Variants in FRMD6 observed in about 807,000 individuals in gnomAD.
FRMD6 encodes FERM domain-containing protein 6.
In FRMD6, 37 loss-of-function variants were observed where a neutral mutation model predicts 73.2. The observed-to-expected ratio is 0.51, with a 90% CI of 0.39 to 0.66. The LOEUF (loss-of-function observed/expected upper bound fraction) is 0.66, where lower values mean the gene tolerates loss of function less well. Ranked by LOEUF, FRMD6 falls within the 30% of genes least tolerant of loss-of-function variation. FRMD6 has a pLI of 0.00. For missense variants in FRMD6, 714 were observed against 780.5 expected (o/e 0.91, Z 1.02); for synonymous variants, 273 against 282.2 (o/e 0.97, Z 0.33).
At chr14:51,507,858 AG>A (rs1884061841) in intron 1 of FRMD6, among the ~76,000 whole-genome samples, 1 of 152,218 alleles carries the variant, frequency 6.6e-6, no homozygotes, top group Admixed American at 6.5e-5. Context: ...CCAAACCCAC[AG>A]GATGGCTTGA....
At chr14:51,463,181 T>G in the FRMD6 span, among the ~76,000 whole-genome samples, 26 of 152,222 alleles carry the variant, frequency 1.7e-4, no homozygotes, top group Non-Finnish European at 1.0e-4. Flanking sequence ...TCAATTTCAC[T>G]CAGGTAGCCA....
At chr14:51,682,792 A>G (rs1431804896) in intron 1 of FRMD6, among the ~76,000 whole-genome samples, 2 of 152,166 alleles carry the variant, frequency 1.3e-5, no homozygotes, top group Non-Finnish European at 2.9e-5. Context: ...CACAAATTTC[A>G]TGGAGGAATT....
At chr14:51,518,115 C>T (rs975249747) in intron 1 of FRMD6, among the ~76,000 whole-genome samples, 5 of 152,148 alleles carry the variant, frequency 3.3e-5, no homozygotes, top group African/African-American at 4.8e-5. Flanking sequence ...AGACTTCACA[C>T]GGAGTCATGC....
chr14:51,408,045 A>C, the FRMD6 span, among the ~76,000 whole-genome samples: 5 of 152,066 alleles, frequency 3.3e-5, no homozygotes, highest in Non-Finnish European at 1.5e-5. Flanking sequence ...CTGGAATTTG[A>C]CTAGGTTGTC....
chr14:51,430,733 G>A, the FRMD6 span, among the ~76,000 whole-genome samples: 681 of 152,282 alleles, frequency 4.5e-3, 5 homozygotes, highest in African/African-American at 0.016. Flanking sequence ...TACAAAACAT[G>A]AACTGCATGG....
At chr14:51,608,188 C>T (rs956214427) in intron 2 of FRMD6, among the ~76,000 whole-genome samples, 2 of 152,138 alleles carry the variant, frequency 1.3e-5, no homozygotes, top group African/African-American at 4.8e-5. Context: ...CTCTGGGCAC[C>T]CAGGACTGCC....
intron 1 of FRMD6, among the ~76,000 whole-genome samples, chr14:51,501,055 T>A (rs1450051145): frequency 1.3e-5 from 2 of 152,180 alleles, no homozygotes; most frequent in African/African-American, 4.8e-5. Flanking sequence ...CTTCCTAGCA[T>A]AAATCATTTC....
chr14:51,405,510 A>G, the FRMD6 span, among the ~76,000 whole-genome samples: 1 of 151,572 alleles, frequency 6.6e-6, no homozygotes, highest in African/African-American at 2.4e-5. Context: ...AGCCATTTTG[A>G]CTGGTGTGAG....
chr14:51,580,730 A>T (rs1210464747), intron 2 of FRMD6, among the ~76,000 whole-genome samples: 2 of 152,220 alleles, frequency 1.3e-5, no homozygotes, highest in Non-Finnish European at 2.9e-5. Context: ...GGACTATATA[A>T]TGGGTAAAGA....
chr14:51,546,299 T>C (rs1447154835), intron 1 of FRMD6, among the ~76,000 whole-genome samples: 1 of 152,084 alleles, frequency 6.6e-6, no homozygotes, highest in East Asian at 1.9e-4. Flanking sequence ...AGATTATTGC[T>C]ATTTCCAGTC....
At chr14:51,507,397 T>G (rs1884033036) in intron 1 of FRMD6, among the ~76,000 whole-genome samples, 1 of 151,806 alleles carries the variant, frequency 6.6e-6, no homozygotes, top group Non-Finnish European at 1.5e-5. Context: ...CCAAAAGGCA[T>G]GAGTCCCATG....
chr14:51,727,143 A>G (rs1898011381), intron 13 of FRMD6, among the ~76,000 whole-genome samples: 1 of 151,956 alleles, frequency 6.6e-6, no homozygotes, highest in African/African-American at 2.4e-5. Context: ...CACCAAGAAC[A>G]CCCTATATCC....
chr14:51,483,383 A>T, the FRMD6 span, among the ~76,000 whole-genome samples: 1 of 152,186 alleles, frequency 6.6e-6, no homozygotes, highest in African/African-American at 2.4e-5. Flanking sequence ...AGAAGATTAA[A>T]GGAGGAAGCA....
chr14:51,456,341 C>T, the FRMD6 span, among the ~76,000 whole-genome samples: 1 of 152,064 alleles, frequency 6.6e-6, no homozygotes, highest in East Asian at 1.9e-4. Context: ...GTGATGTTCC[C>T]CTCCCTGTGT....
the FRMD6 span, among the ~76,000 whole-genome samples, chr14:51,424,518 A>G: frequency 6.0e-5 from 9 of 150,604 alleles, no homozygotes; most frequent in African/African-American, 1.7e-4. Flanking sequence ...TTCCGCTGAA[A>G]GGCATTTAAA....
intron 12 of FRMD6, among the ~76,000 whole-genome samples, chr14:51,722,439 A>G (rs1397739070): frequency 6.6e-6 from 1 of 152,206 alleles, no homozygotes; most frequent in African/African-American, 2.4e-5. Context: ...GTTAACCTAT[A>G]GTTCAAAGAG....
chr14:51,680,759 A>G (rs1031045304), intron 1 of FRMD6, among the ~76,000 whole-genome samples: 9 of 125,536 alleles, frequency 7.2e-5, no homozygotes, highest in Non-Finnish European at 1.2e-4. Context: ...ATTATTATTG[A>G]TGTTATTTTT....
intron 1 of FRMD6, among the ~76,000 whole-genome samples, chr14:51,519,395 C>A (rs777448571): frequency 6.6e-6 from 1 of 152,104 alleles, no homozygotes; most frequent in African/African-American, 2.4e-5. Flanking sequence ...GGTGACCCAC[C>A]CACCTCGGCT....
At chr14:51,452,700 C>T in the FRMD6 span, among the ~76,000 whole-genome samples, 1 of 152,112 alleles carries the variant, frequency 6.6e-6, no homozygotes, top group African/African-American at 2.4e-5. Context: ...CAGAATGAAA[C>T]ATTGGAAACT....
Sources: allele counts gnomAD v4.1 joint callset (sites outside exome capture counted in the v4.1 genomes callset), GRCh38; gene constraint gnomAD v4.1.1; transcripts MANE v1.5; gene names NCBI Gene and HGNC (gene_info 2026-07-23, HGNC 2026-07-21).